CSGALNACT1: variants seen among roughly 807,000 people sequenced by gnomAD.
The protein encoded by CSGALNACT1 is beta4GalNAcT-1.
CSGALNACT1 carries 52 observed loss-of-function variants against 51.0 expected under a neutral mutation model. The ratio of observed to expected loss-of-function variants is 1.02; its 90% CI spans 0.82 to 1.29. The LOEUF (loss-of-function observed/expected upper bound fraction) is 1.29. CSGALNACT1 is among the 50% of genes most tolerant of loss of function. The pLI, the probability that CSGALNACT1 is intolerant of heterozygous loss-of-function variation, is 0.00. For missense variants in CSGALNACT1, 935 were observed against 679.2 expected, an observed-to-expected ratio of 1.38 and a Z score of -4.19; for synonymous variants, 341 against 254.4, an observed-to-expected ratio of 1.34 and a Z score of -3.24.
chr8:19,667,049 AAG>A (rs2059417965), intron 1 of CSGALNACT1, among the ~76,000 whole-genome samples: 3 of 105,746 alleles, frequency 2.8e-5, no homozygotes, highest in Non-Finnish European at 4.0e-5. Context: ...GGAAGAAAGA[AAG>A]AAAGAAAGAA....
rs1564385561 is a variant in CSGALNACT1 at position 19,666,993 on chromosome 8, A to G, written c.-544+15480T>C. Reference sequence around the variant, plus strand: ...AAAGAAAGAAAGAAAGAAAGAAAGAAAGAAAGAAAGAAAGAAAGAAAGAAA... The same window carrying G: ...AAAGAAAGAAAGAAAGAAAGAAAGAGAGAAAGAAAGAAAGAAAGAAAGAAA... On this transcript the variant is annotated intron_variant, in intron 1 of 9. Coordinates refer to the CSGALNACT1 transcript ENST00000332246. Among the ~76,000 whole-genome samples, 154 of 23,086 alleles carry G rather than the reference A, an allele frequency of 6.7e-3. 11 individuals are homozygous for G. Among genetic ancestry groups the G allele is most frequent in the Admixed American group, 0.02 (43 of 2,144 alleles). The allele number at this position is 23,086 out of a possible 152,430, so 15.1% of individuals were successfully genotyped here.
intron 3 of CSGALNACT1, among the ~76,000 whole-genome samples, chr8:19,567,848 G>A (rs576009011): frequency 6.6e-6 from 1 of 152,150 alleles, no homozygotes; most frequent in African/African-American, 2.4e-5. Context: ...TTTAATATAA[G>A]CACAAAGAGT....
chr8:19,670,650 C>CAAAAAAAAAAAAAA (rs752256046), intron 1 of CSGALNACT1, among the ~76,000 whole-genome samples: 36 of 92,822 alleles, frequency 3.9e-4, no homozygotes, highest in African/African-American at 4.2e-4. Flanking sequence ...CTACTGAAGA[C>CAAAAAAAAAAAAAA]AAAAAAAAAA....
chr8:19,741,159 T>G (rs2064288746), intron 1 of CSGALNACT1, among the ~76,000 whole-genome samples: 1 of 152,206 alleles, frequency 6.6e-6, no homozygotes, highest in Non-Finnish European at 1.5e-5. Flanking sequence ...ATAACCTATC[T>G]AATCTACTTT....
intron 1 of CSGALNACT1, among the ~76,000 whole-genome samples, chr8:19,638,826 T>C (rs754983962): frequency 2.0e-5 from 3 of 152,014 alleles, no homozygotes; most frequent in Admixed American, 1.3e-4. Context: ...GTAAATTCAA[T>C]AGATGATCAT....
intron 1 of CSGALNACT1, among the ~76,000 whole-genome samples, chr8:19,704,207 TAAACG>T (rs1468301268): frequency 2.6e-5 from 4 of 152,184 alleles, no homozygotes; most frequent in Non-Finnish European, 5.9e-5. Flanking sequence ...AACAAGGCAC[TAAACG>T]AATGTGCTGC....
At chr8:19,639,686 C>T (rs1051150775) in intron 1 of CSGALNACT1, among the ~76,000 whole-genome samples, 3 of 152,122 alleles carry the variant, frequency 2.0e-5, no homozygotes, top group South Asian at 2.1e-4. Context: ...CTCTCTTCTT[C>T]CACCTCAAGG....
chr8:19,625,849 A>G (rs2054384107), intron 1 of CSGALNACT1, among the ~76,000 whole-genome samples: 1 of 152,164 alleles, frequency 6.6e-6, no homozygotes, highest in Non-Finnish European at 1.5e-5. Flanking sequence ...TGGGCAAGTC[A>G]CCTAACTTCA....
intron 4 of CSGALNACT1, among the ~76,000 whole-genome samples, chr8:19,485,677 T>C (rs935744624): frequency 6.6e-6 from 1 of 151,224 alleles, no homozygotes; most frequent in African/African-American, 2.4e-5. Flanking sequence ...TCCATTCCCT[T>C]TTACTTCAAA....
rs372215755 is a variant in CSGALNACT1 at position 19,630,534 on chromosome 8, T to TCTGTGGGTTCTG, written c.-543-28681_-543-28670dup. Among the ~76,000 whole-genome samples the TCTGTGGGTTCTG allele has an allele frequency of 7.9e-3, 1,198 of 152,228 alleles. 19 individuals carry two copies. The highest frequency in any genetic ancestry group is 0.027 in the African/African-American group (1,140 of 41,516). ...GGATTCACTCTTTGTGGTATACAAT[T>TCTGTGGGTTCTG]CTGTGGGTTCTGCCAAATGTATAAT... On this transcript the variant is annotated intron_variant, in intron 1 of 9. Transcript: ENST00000332246.
At position 19,709,333 on chromosome 8, in the gene CSGALNACT1, C is replaced by T. The variant is rs1159446478; in HGVS notation, c.-297+48517G>A. Among the ~76,000 whole-genome samples, 6 of 152,284 alleles carry T rather than the reference C, an allele frequency of 3.9e-5. No homozygotes were observed. In the South Asian group the frequency reaches 1.0e-3, roughly 26 times the overall value. ...ATGTATATATTATACCAGGCACTGT[C>T]GTAGGCATCAGGCCTGCCTTCAAGG... On this transcript the variant is annotated intron_variant, in intron 1 of 1. Coordinates refer to the CSGALNACT1 transcript ENST00000517494.
intron 1 of CSGALNACT1, among the ~76,000 whole-genome samples, chr8:19,652,485 G>A (rs1223251549): frequency 6.6e-6 from 1 of 152,082 alleles, no homozygotes; most frequent in East Asian, 1.9e-4. Context: ...TGAACTGTCT[G>A]TCTTCCCATC....
chr8:19,655,184 G>C (rs1201142450), intron 1 of CSGALNACT1, among the ~76,000 whole-genome samples: 1 of 152,092 alleles, frequency 6.6e-6, no homozygotes, highest in African/African-American at 2.4e-5. Context: ...AGACATCTCT[G>C]ACTCCGTGAT....
chr8:19,742,215 C>G (rs2064360000), intron 1 of CSGALNACT1, among the ~76,000 whole-genome samples: 1 of 151,606 alleles, frequency 6.6e-6, no homozygotes, highest in South Asian at 2.1e-4. Context: ...ACAACTGAGG[C>G]TCAAAGTGGT....
chr8:19,529,496 C>T (rs773114999), intron 3 of CSGALNACT1, among the ~76,000 whole-genome samples: 2 of 152,128 alleles, frequency 1.3e-5, no homozygotes, highest in South Asian at 2.1e-4. Context: ...TTGACTTTGA[C>T]GTTTGGGCTC....
chr8:19,438,187 G>A (rs1414235213), intron 6 of CSGALNACT1, among the ~76,000 whole-genome samples: 1 of 151,916 alleles, frequency 6.6e-6, no homozygotes, highest in Non-Finnish European at 1.5e-5. Context: ...CTCTTGGCCG[G>A]GGCGGGGGTC....
rs754310473 is a variant in CSGALNACT1, at chr8:19,505,216, A to C, written c.619T>G (p.Ser207Ala). Reference sequence around the variant, plus strand: ...AAATGCTAACCTTCTATGAAATCAGAGGCCGTGTAAGGACGGTGATTGGGG... The same window carrying C: ...AAATGCTAACCTTCTATGAAATCAGCGGCCGTGTAAGGACGGTGATTGGGG... The change falls in exon 4 of 10, where the codon TCT becomes GCT. Residue 207 changes from serine to alanine, a missense_variant. By Grantham distance (99) the Ser-to-Ala change is moderately conservative. Coordinates refer to ENST00000454498, the Ensembl canonical transcript of CSGALNACT1. 8.1e-6 allele frequency: 13 copies of C among 1,613,986 alleles called. No homozygotes were observed. Among genetic ancestry groups the C allele is most frequent in the African/African-American group, 2.7e-5 (2 of 74,880 alleles).
intron 3 of CSGALNACT1, among the ~76,000 whole-genome samples, chr8:19,539,441 G>A (rs111328054): frequency 2.4e-4 from 37 of 152,218 alleles, no homozygotes; most frequent in African/African-American, 4.8e-4. Flanking sequence ...ATATTCTACC[G>A]TAACCTCTGT....
intron 5 of CSGALNACT1, among the ~76,000 whole-genome samples, chr8:19,454,763 G>A (rs1365603407): frequency 6.6e-6 from 1 of 151,194 alleles, no homozygotes; most frequent in East Asian, 2.0e-4. Context: ...GTACTGAAAT[G>A]TTTCAATCAA....
Sources: gnomAD v4.1 joint callset for allele counts (sites outside exome capture counted in the v4.1 genomes callset) on GRCh38, gnomAD v4.1.1 for gene constraint, MANE v1.5 for transcripts, NCBI Gene and HGNC (gene_info 2026-07-23, HGNC 2026-07-21) for gene names.